The following PPP2R3A variants were observed in gnomAD, a reference collection of about 807,000 sequenced individuals.
PPP2R3A encodes the protein protein phosphatase 2 regulatory subunit B''alpha.
In PPP2R3A, 80 loss-of-function variants were observed where a neutral mutation model predicts 106.9. The observed-to-expected ratio is 0.75, with a 90% CI of 0.62 to 0.90. PPP2R3A has a LOEUF of 0.90. Ranked by LOEUF, PPP2R3A falls within the 40% of genes least tolerant of loss-of-function variation. The pLI, the probability that PPP2R3A is intolerant of heterozygous loss-of-function variation, is 0.00. For missense variants in PPP2R3A, 1,386 were observed against 1,350.4 expected (o/e 1.03, Z -0.41); for synonymous variants, 483 against 468.3 (o/e 1.03, Z -0.41).
At chr3:136,040,671 T>A (rs1935235818) in intron 3 of PPP2R3A, among the ~76,000 whole-genome samples, 188 bp from the exon 4 acceptor site, 1 of 149,472 alleles carries the variant, frequency 6.7e-6, no homozygotes, top group Non-Finnish European at 1.5e-5. Flanking sequence ...GTTCTCTTAT[T>A]TTGTTTCCCC....
rs1939073567 is a variant in PPP2R3A, at chr3:136,145,272, A to G, written c.*106A>G. ...CTTTTTAAAGACTTTGATTTCTCCAAGTGTGTATCATCTGCACTAGGAACT... is the reference window on the plus strand; with the variant it reads ...CTTTTTAAAGACTTTGATTTCTCCAGGTGTGTATCATCTGCACTAGGAACT... On this transcript the variant is annotated 3_prime_UTR_variant, in exon 14 of 14. Coordinates refer to ENST00000264977, the MANE Select transcript of PPP2R3A (RefSeq NM_002718.5). The G allele has an allele frequency of 7.3e-7, 1 of 1,370,882 alleles. No individual in the cohort carries two copies. The highest frequency in any genetic ancestry group is 9.7e-7 in the Non-Finnish European group (1 of 1,028,720). 84.9% of individuals were successfully genotyped at this position (1,370,882 alleles called of 1,614,324 possible). A position where few individuals can be genotyped will look rare whatever the true frequency, so the allele number is the denominator to read the frequency against.
chr3:136,138,714 T>C, intron 13 of PPP2R3A, among the ~76,000 whole-genome samples: 1 of 117,826 alleles, frequency 8.5e-6, no homozygotes, highest in Admixed American at 8.6e-5. Flanking sequence ...TTTTTTTTTT[T>C]TTTTTTTTTT....
At chr3:136,111,689 C>T (rs1937594216) in intron 13 of PPP2R3A, among the ~76,000 whole-genome samples, 1 of 151,652 alleles carries the variant, frequency 6.6e-6, no homozygotes, top group African/African-American at 2.4e-5. Context: ...AAACCCTGGA[C>T]TAGACAGATT....
intron 3 of PPP2R3A, among the ~76,000 whole-genome samples, chr3:136,039,879 A>G (rs1231264263): frequency 1.3e-5 from 2 of 152,156 alleles, no homozygotes; most frequent in Admixed American, 1.3e-4. Flanking sequence ...AGAGCTTTTT[A>G]TCGAGAAAAA....
chr3:136,025,318 T>G (rs886767437), intron 2 of PPP2R3A, among the ~76,000 whole-genome samples: 1 of 152,126 alleles, frequency 6.6e-6, no homozygotes, highest in African/African-American at 2.4e-5. Flanking sequence ...TTTTTCATAT[T>G]TCATTGGTAT....
rs1045341840 is a variant in PPP2R3A at position 136,147,027 on chromosome 3, C to T, written c.*1861C>T. 3 of 151,588 alleles carry T rather than the reference C, an allele frequency of 2.0e-5. No individual in the cohort carries two copies. Among genetic ancestry groups the T allele is most frequent in the Admixed American group, 6.6e-5 (1 of 15,216 alleles). The allele number at this position is 151,588 out of a possible 1,614,324, so 9.4% of individuals were successfully genotyped here. A position where few individuals can be genotyped will look rare whatever the true frequency, so the allele number is the denominator to read the frequency against. ...TTGGCTTTACCTTTTTACCTTGGTTCTCCTTACTGAAGTCCTCTTGCTTTC... is the reference window on the plus strand; with the variant it reads ...TTGGCTTTACCTTTTTACCTTGGTTTTCCTTACTGAAGTCCTCTTGCTTTC... On this transcript the variant is annotated 3_prime_UTR_variant, in exon 14 of 14. Transcript: ENST00000264977.
chr3:136,045,641 C>T (rs1297010286), intron 4 of PPP2R3A, among the ~76,000 whole-genome samples: 1 of 152,096 alleles, frequency 6.6e-6, no homozygotes, highest in South Asian at 2.1e-4. Context: ...TATCTGCTGG[C>T]CAAAAAAACC....
intron 13 of PPP2R3A, among the ~76,000 whole-genome samples, chr3:136,133,774 A>ATG (rs1306178700): frequency 6.7e-6 from 1 of 150,106 alleles, no homozygotes; most frequent in Non-Finnish European, 1.5e-5. Flanking sequence ...AAAAATAAAT[A>ATG]TGTATATATA....
At chr3:136,029,158 A>G (rs1483499917) in intron 3 of PPP2R3A, among the ~76,000 whole-genome samples, 2 of 152,206 alleles carry the variant, frequency 1.3e-5, no homozygotes, top group Non-Finnish European at 2.9e-5. Context: ...CACGAGAGCA[A>G]TTTGTGTGAA....
intron 5 of PPP2R3A, among the ~76,000 whole-genome samples, chr3:136,060,336 T>C (rs1936033511): frequency 6.6e-6 from 1 of 152,202 alleles, no homozygotes; most frequent in African/African-American, 2.4e-5. Flanking sequence ...AAGTAAAGAA[T>C]AGAATGGTAA....
rs572450758 is a variant in PPP2R3A, at chr3:136,109,451, ATAAT to A, written c.3329+3133_3329+3136del. Reference sequence around the variant, plus strand: ...ACAACAACAAAGGTTGAATATAAAAATAATTAAGACCCCCAAAAAAACTGTCTTG... The same window carrying A: ...ACAACAACAAAGGTTGAATATAAAAATAAGACCCCCAAAAAAACTGTCTTG... On this transcript the variant is annotated intron_variant, in intron 13 of 13. Coordinates refer to ENST00000264977, the MANE Select transcript of PPP2R3A (RefSeq NM_002718.5). Among the ~76,000 whole-genome samples, 545 of 152,294 alleles carry A rather than the reference ATAAT, an allele frequency of 3.6e-3. 2 individuals carry two copies. Among genetic ancestry groups the A allele is most frequent in the Non-Finnish European group, 4.1e-3 (280 of 68,016 alleles).
chr3:136,102,291 C>G, intron 11 of PPP2R3A, 109 bp downstream of exon 11: 1 of 1,155,914 alleles, frequency 8.7e-7, no homozygotes, highest in South Asian at 1.6e-5. Flanking sequence ...TGATAGAAGA[C>G]TTCCTAGGAC....
At chr3:136,032,112 G>C (rs1156616020) in intron 3 of PPP2R3A, among the ~76,000 whole-genome samples, 1 of 152,232 alleles carries the variant, frequency 6.6e-6, no homozygotes, top group Non-Finnish European at 1.5e-5. Flanking sequence ...TTGGCAGAAT[G>C]GTCATTTTCA....
chr3:135,970,344 TGAGA>T (rs1165033986), intron 1 of PPP2R3A, among the ~76,000 whole-genome samples: 8 of 152,196 alleles, frequency 5.3e-5, no homozygotes, highest in Non-Finnish European at 1.2e-4. Context: ...TTTTATTAAA[TGAGA>T]GAGAGAAAAG....
chr3:136,136,673 A>G (rs188444475), intron 13 of PPP2R3A, among the ~76,000 whole-genome samples: 75 of 152,304 alleles, frequency 4.9e-4, no homozygotes, highest in Non-Finnish European at 3.2e-4. Context: ...TGTTTACTGA[A>G]AGGCACAGAC....
At chr3:135,999,668 A>G (rs1410298009) in intron 1 of PPP2R3A, among the ~76,000 whole-genome samples, 1 of 152,050 alleles carries the variant, frequency 6.6e-6, no homozygotes, top group Non-Finnish European at 1.5e-5. Context: ...TTACTCAAAG[A>G]CCTAAATTTG....
In PPP2R3A at chr3:135,994,690, T is replaced by C. The variant is rs978192787; in HGVS notation, c.-440-6369T>C. Among the ~76,000 whole-genome samples, 10 of 152,172 alleles carry C rather than the reference T, an allele frequency of 6.6e-5. No homozygotes were observed. The South Asian group carries it at 1.0e-3, about 16-fold the overall frequency. On this transcript the variant is annotated intron_variant, in intron 1 of 13. Transcript: ENST00000264977. ...TTTGCATTCCTGTTTCTCATTCTTA[T>C]TATTTGGAGGAGACTTTAAAACTGT...
intron 4 of PPP2R3A, among the ~76,000 whole-genome samples, chr3:136,044,976 G>T (rs531585355): frequency 2.6e-4 from 39 of 152,144 alleles, no homozygotes; most frequent in Non-Finnish European, 5.0e-4. Context: ...TTTTGCATGG[G>T]AACAGCTGCA....
At chr3:136,023,901 A>G (rs1394638801) in intron 2 of PPP2R3A, among the ~76,000 whole-genome samples, 1 of 152,142 alleles carries the variant, frequency 6.6e-6, no homozygotes, top group African/African-American at 2.4e-5. Context: ...CATTGACTAC[A>G]ATATAAATCA....
Sources: gnomAD v4.1 joint callset for allele counts (sites outside exome capture counted in the v4.1 genomes callset) on GRCh38, gnomAD v4.1.1 for gene constraint, MANE v1.5 for transcripts, NCBI Gene and HGNC (gene_info 2026-07-23, HGNC 2026-07-21) for gene names.